Variants in ANKS1B observed in about 807,000 individuals in gnomAD.
The protein encoded by ANKS1B is ankyrin repeat and sterile alpha motif domain containing 1B, also known as ankyrin repeat and sterile alpha motif domain-containing protein 1B.
A neutral mutation model predicts 148.3 loss-of-function variants in ANKS1B; 36 were observed. That is an observed-to-expected ratio of 0.24 (90% CI 0.19 to 0.32). The LOEUF is 0.32. Ranked by LOEUF, ANKS1B falls within the 10% of genes least tolerant of loss-of-function variation. The pLI is 1.00. For synonymous variants in ANKS1B, 542 were observed against 560.8 expected, an observed-to-expected ratio of 0.97 and a Z score of 0.47; for missense variants, 1,157 against 1,542.6, an observed-to-expected ratio of 0.75 and a Z score of 4.19.
intron 9 of ANKS1B, among the ~76,000 whole-genome samples, chr12:99,641,664 C>G (rs2098307695): frequency 6.6e-6 from 1 of 152,094 alleles, no homozygotes; most frequent in Admixed American, 6.6e-5. Flanking sequence ...AGCTCATCCA[C>G]TCCGTAAGCA....
At chr12:98,951,872 C>CT (rs2099854601) in intron 17 of ANKS1B, among the ~76,000 whole-genome samples, 1 of 152,142 alleles carries the variant, frequency 6.6e-6, no homozygotes, top group Admixed American at 6.5e-5. Flanking sequence ...TTGTGTTTCT[C>CT]TTTTTTCTTA....
At chr12:99,088,588 G>A (rs2052801219) in intron 15 of ANKS1B, among the ~76,000 whole-genome samples, 1 of 151,962 alleles carries the variant, frequency 6.6e-6, no homozygotes, top group Admixed American at 6.5e-5. Flanking sequence ...TGGTATGATG[G>A]ACTTATAAAA....
intron 10 of ANKS1B, among the ~76,000 whole-genome samples, chr12:99,453,511 C>A (rs1379340130): frequency 6.6e-6 from 1 of 152,044 alleles, no homozygotes; most frequent in Non-Finnish European, 1.5e-5. Context: ...AGAAACTGAA[C>A]CTTGTTAACA....
chr12:99,389,060 C>A (rs4341626), intron 12 of ANKS1B, among the ~76,000 whole-genome samples: 81,784 of 152,006 alleles, frequency 0.54, 24,494 homozygotes, highest in African/African-American at 0.82. Context: ...ACACAAAGGC[C>A]TGGAGACAGG....
At chr12:99,970,135 TA>T (rs1374416961) in intron 1 of ANKS1B, among the ~76,000 whole-genome samples, 1 of 152,188 alleles carries the variant, frequency 6.6e-6, no homozygotes, top group Non-Finnish European at 1.5e-5. Flanking sequence ...AAGAATGTTC[TA>T]GGGGGTTGTA....
At chr12:99,805,206 A>T (rs567922710) in intron 4 of ANKS1B, among the ~76,000 whole-genome samples, 1 of 144,014 alleles carries the variant, frequency 6.9e-6, no homozygotes, top group East Asian at 2.2e-4. Flanking sequence ...TCTCTGGAAG[A>T]TAAGAATGCT....
intron 12 of ANKS1B, among the ~76,000 whole-genome samples, chr12:99,262,403 G>A (rs1272759511): frequency 1.3e-5 from 2 of 151,938 alleles, no homozygotes; most frequent in Non-Finnish European, 2.9e-5. Context: ...ATAGATATTT[G>A]CATGTGAAGA....
At chr12:99,735,917 T>C (rs2059578606) in intron 8 of ANKS1B, among the ~76,000 whole-genome samples, 1 of 151,096 alleles carries the variant, frequency 6.6e-6, no homozygotes, top group Non-Finnish European at 1.5e-5. Context: ...ACATACACCA[T>C]GATCTAGTTG....
At chr12:98,919,983 G>A (rs2099799312) in intron 17 of ANKS1B, among the ~76,000 whole-genome samples, 1 of 152,200 alleles carries the variant, frequency 6.6e-6, no homozygotes, top group South Asian at 2.1e-4. Context: ...AAGTGATGGT[G>A]TATTAGTTTG....
At chr12:99,082,361 T>C (rs904922244) in intron 16 of ANKS1B, among the ~76,000 whole-genome samples, 3 of 152,140 alleles carry the variant, frequency 2.0e-5, no homozygotes, top group African/African-American at 7.2e-5. Flanking sequence ...CACATTCGAA[T>C]AGAGATTTGA....
intron 12 of ANKS1B, among the ~76,000 whole-genome samples, chr12:99,322,568 T>C (rs2085497534): frequency 1.3e-5 from 2 of 152,058 alleles, no homozygotes; most frequent in South Asian, 2.1e-4. Flanking sequence ...AAAAACAATA[T>C]TGGCTTTGTA....
intron 20 of ANKS1B, among the ~76,000 whole-genome samples, chr12:98,802,274 A>G (rs904838340): frequency 6.6e-6 from 1 of 152,360 alleles, no homozygotes; most frequent in Admixed American, 6.5e-5. Flanking sequence ...GAAGTGCTAG[A>G]AAGTGTGTTG....
chr12:99,365,966 C>T (rs2092743113), intron 12 of ANKS1B, among the ~76,000 whole-genome samples: 1 of 152,154 alleles, frequency 6.6e-6, no homozygotes, highest in Admixed American at 6.5e-5. Flanking sequence ...TTTTTACATC[C>T]TTTACATGTC....
chr12:99,374,582 A>G (rs2093308006), intron 12 of ANKS1B, among the ~76,000 whole-genome samples: 2 of 152,318 alleles, frequency 1.3e-5, no homozygotes, highest in East Asian at 1.9e-4. Context: ...TATAGTTCAC[A>G]TTTATTTCAA....
intron 14 of ANKS1B, among the ~76,000 whole-genome samples, chr12:99,224,914 C>A (rs2085666459): frequency 6.6e-6 from 1 of 152,046 alleles, no homozygotes; most frequent in African/African-American, 2.4e-5. Flanking sequence ...TTAGGTCATG[C>A]GTGTAATTTT....
intron 17 of ANKS1B, among the ~76,000 whole-genome samples, chr12:98,880,636 C>T (rs1364710048): frequency 3.9e-5 from 6 of 151,968 alleles, no homozygotes; most frequent in East Asian, 3.9e-4. Flanking sequence ...GGCGTGGTGG[C>T]GGGCGCCTGT....
At chr12:99,115,555 C>A (rs2061175732) in intron 15 of ANKS1B, among the ~76,000 whole-genome samples, 1 of 152,026 alleles carries the variant, frequency 6.6e-6, no homozygotes, top group Admixed American at 6.6e-5. Flanking sequence ...ATAATCTGTA[C>A]AACAAACCCT....
At chr12:99,149,613 C>T (rs2074289473) in intron 15 of ANKS1B, among the ~76,000 whole-genome samples, 1 of 152,088 alleles carries the variant, frequency 6.6e-6, no homozygotes, top group African/African-American at 2.4e-5. Flanking sequence ...TCATTCTTCT[C>T]CCATTTTGAT....
At chr12:99,445,951 G>A (rs2095630962) in intron 10 of ANKS1B, among the ~76,000 whole-genome samples, 1 of 152,032 alleles carries the variant, frequency 6.6e-6, no homozygotes, top group East Asian at 1.9e-4. Context: ...TTGAACTCCT[G>A]AGCTGTAGTG....
Sources: allele counts gnomAD v4.1 joint callset (sites outside exome capture counted in the v4.1 genomes callset), GRCh38; gene constraint gnomAD v4.1.1; transcripts MANE v1.5; gene names NCBI Gene and HGNC (gene_info 2026-07-23, HGNC 2026-07-21).